Variants in TBCE observed in about 807,000 individuals in gnomAD.
The protein encoded by TBCE is tubulin-specific chaperone E.
In TBCE, 53 loss-of-function variants were observed where a neutral mutation model predicts 77.0. The observed-to-expected ratio is 0.69, with a 90% CI of 0.55 to 0.87. The LOEUF (loss-of-function observed/expected upper bound fraction) is 0.87. TBCE is among the 40% of genes least tolerant of loss of function. TBCE has a pLI of 0.00. For missense variants in TBCE, 624 were observed against 622.4 expected, an observed-to-expected ratio of 1.00 and a Z score of -0.03; for synonymous variants, 235 against 241.3, an observed-to-expected ratio of 0.97 and a Z score of 0.24.
chr1:235,426,913 C>T (rs944794308), intron 5 of TBCE, among the ~76,000 whole-genome samples: 3 of 152,116 alleles, frequency 2.0e-5, no homozygotes, highest in Non-Finnish European at 4.4e-5. Flanking sequence ...CCCAAAGTGC[C>T]GGGATTACAG....
rs144643746 is a variant in TBCE at position 235,379,275 on chromosome 1, C to T, written c.-31-744C>T. Among the ~76,000 whole-genome samples, 92 of 152,090 alleles carry T rather than the reference C, an allele frequency of 6.0e-4. 2 individuals are homozygous for T. In the East Asian group the frequency reaches 0.018, roughly 29 times the overall value. ...GGGCGCAGTGGCTCATGCCTGTAAT[C>T]CCAGCACTTTGGGAGGCAGAGGAGG... On this transcript the variant is annotated intron_variant, in intron 1 of 16. Transcript: ENST00000642610.
At position 235,390,754 on chromosome 1, in the gene TBCE, G is replaced by A. The variant is rs990209168; in HGVS notation, c.100+10605G>A. On this transcript the variant is annotated intron_variant, in intron 2 of 16. Coordinates refer to ENST00000642610, the MANE Select transcript of TBCE (RefSeq NM_003193.5). ...CCAGCCTGGGTGACAAGAGCGAAAC[G>A]TCTCAAAAAAAAAAAAAAAAAAAAG... is the stretch of plus-strand genomic sequence containing the variant. 4.5e-3 allele frequency among the ~76,000 whole-genome samples: 556 copies of A among 123,828 alleles called. 4 individuals are homozygous for A. Among genetic ancestry groups the A allele is most frequent in the African/African-American group, 0.018 (522 of 28,254 alleles). 81.2% of individuals were successfully genotyped at this position (123,828 alleles called of 152,430 possible). A position where few individuals can be genotyped will look rare whatever the true frequency, so the allele number is the denominator to read the frequency against.
chr1:235,437,221 A>G, intron 11 of TBCE, 101 bp from the exon 12 acceptor site: 1 of 1,427,324 alleles, frequency 7.0e-7, no homozygotes. Context: ...TCCCTGCCTC[A>G]GATTAGAACT....
rs534783856 is a variant in TBCE at position 235,374,994 on chromosome 1, C to T, written c.-31-5025C>T. On this transcript the variant is annotated intron_variant, in intron 1 of 16. Coordinates refer to ENST00000642610, the MANE Select transcript of TBCE (RefSeq NM_003193.5). Reference sequence around the variant, plus strand: ...GGAGTGCAGTGGTGCGATCTCGGCTCACTGCAAGCTCCGCCTCCTGGGTTC... The same window carrying T: ...GGAGTGCAGTGGTGCGATCTCGGCTTACTGCAAGCTCCGCCTCCTGGGTTC... Among the ~76,000 whole-genome samples the T allele has an allele frequency of 4.5e-3, 603 of 134,306 alleles. 16 individuals carry two copies. The highest frequency in any genetic ancestry group is 7.5e-3 in the Non-Finnish European group (479 of 64,048). 88.1% of individuals were successfully genotyped at this position (134,306 alleles called of 152,430 possible). A position where few individuals can be genotyped will look rare whatever the true frequency, so the allele number is the denominator to read the frequency against.
intron 3 of TBCE, among the ~76,000 whole-genome samples, chr1:235,402,721 C>T (rs1416320106): frequency 6.6e-6 from 1 of 151,970 alleles, no homozygotes; most frequent in African/African-American, 2.4e-5. Context: ...AACTCCTGGG[C>T]TCAAGTGATC....
intron 3 of TBCE, 63 bp from the exon 4 acceptor site, chr1:235,414,370 T>C: frequency 1.3e-6 from 2 of 1,558,686 alleles, no homozygotes; most frequent in South Asian, 1.1e-5. Flanking sequence ...CTTCAGAAAA[T>C]TGTATTTATG....
chr1:235,436,563 C>A lies in TBCE; in HGVS notation c.918C>A (p.Phe306Leu). 6.2e-7 allele frequency: 1 copy of A among 1,613,962 alleles called. No homozygotes were observed. Among genetic ancestry groups the A allele is most frequent in the South Asian group, 1.1e-5 (1 of 91,084 alleles). Residue 306 changes from phenylalanine to leucine, a missense_variant, in exon 11 of 17, where the codon TTC (phenylalanine) becomes TTA (leucine). Physicochemically the swap from Phe to Leu is conservative, Grantham distance 22. Coordinates refer to ENST00000642610, the MANE Select transcript of TBCE (RefSeq NM_003193.5). ...TTATAGGGTGCAAAACGTCCATGTT[C>A]CCATCCTTGAAGTACCTGGTAGTAA... ...DAGIGCKTSM[F>L]PSLKYLVVND...
chr1:235,395,680 G>A (rs544753208), intron 2 of TBCE, among the ~76,000 whole-genome samples: 1 of 151,928 alleles, frequency 6.6e-6, no homozygotes, highest in South Asian at 2.1e-4. Context: ...AAGTAGCTGG[G>A]ATTACAGGTG....
At chr1:235,376,063 C>T (rs1416110938) in intron 1 of TBCE, among the ~76,000 whole-genome samples, 1 of 151,822 alleles carries the variant, frequency 6.6e-6, no homozygotes, top group African/African-American at 2.4e-5. Flanking sequence ...CAAACAAAAA[C>T]ACCTGACTTG....
chr1:235,380,308 C>A (rs887117236), intron 2 of TBCE, among the ~76,000 whole-genome samples, 159 bp downstream of exon 2: 1 of 151,786 alleles, frequency 6.6e-6, no homozygotes, highest in Non-Finnish European at 1.5e-5. Flanking sequence ...CCTCCTGTAT[C>A]CAGTTTTATC....
At chr1:235,395,342 CTGTT>C (rs1037318792) in intron 2 of TBCE, among the ~76,000 whole-genome samples, 5 of 152,078 alleles carry the variant, frequency 3.3e-5, no homozygotes, top group Admixed American at 3.3e-4. Flanking sequence ...CATTTATTCT[CTGTT>C]TGTTACAAAC....
chr1:235,441,696 G>A (rs1681886931), intron 13 of TBCE, 118 bp from the exon 14 acceptor site: 3 of 891,624 alleles, frequency 3.4e-6, no homozygotes, highest in Middle Eastern at 2.1e-4. Flanking sequence ...AGCTCCATGT[G>A]TCCTGGGAAA....
chr1:235,389,109 C>T (rs1035326676), intron 2 of TBCE, among the ~76,000 whole-genome samples: 1 of 152,176 alleles, frequency 6.6e-6, no homozygotes, highest in Non-Finnish European at 1.5e-5. Context: ...AGTCCCAATT[C>T]TTGAAGACAG....
chr1:235,435,755 G>A lies in TBCE; in HGVS notation c.748G>A (p.Val250Ile), dbSNP rs368360310. 1.2e-6 allele frequency: 2 copies of A among 1,613,992 alleles called. No individual in the cohort carries two copies. Among genetic ancestry groups the A allele is most frequent in the Non-Finnish European group, 8.5e-7 (1 of 1,179,904 alleles). ...TTATTTTCCATACAGGCCAACAGAT[G>A]TTCTCCAGACAGTCAAGTTATTAGA... Reference protein sequence around the residue: ...NIFISERPTDVLQTVKLLDLS... With the variant: ...NIFISERPTDILQTVKLLDLS... The change falls in exon 9 of 17, where the codon GTT becomes ATT. Residue 250 changes from valine to isoleucine, a missense_variant. By Grantham distance (29) the Val-to-Ile change is conservative (BLOSUM62 3). Transcript: ENST00000642610.
intron 3 of TBCE, among the ~76,000 whole-genome samples, chr1:235,412,092 GT>G (rs1679811042): frequency 2.1e-5 from 1 of 47,718 alleles, no homozygotes; most frequent in Non-Finnish European, 3.8e-5. Context: ...CACTCTCCAA[GT>G]TTCCCTTCCC....
chr1:235,442,883 T>A lies in TBCE; in HGVS notation c.1371T>A (p.Asp457Glu). 6.2e-7 allele frequency: 1 copy of A among 1,614,106 alleles called. No homozygotes were observed. The highest frequency in any genetic ancestry group is 8.5e-7 in the Non-Finnish European group (1 of 1,180,008). The change falls in exon 15 of 17, where the codon GAT becomes GAA. Residue 457 changes from aspartate (D) to glutamate (E), a missense_variant. Physicochemically the swap from Asp to Glu is conservative, Grantham distance 45 (BLOSUM62 2). Transcript: ENST00000642610. ...TLKIKYPHQL[D>E]QKVLEKQLPG... ...AGATAAAATACCCTCATCAACTTGA[T>A]CAGAAAGTCCTGGAGAAACAACTGC...
chr1:235,447,657 G>A (rs150091674), intron 15 of TBCE, among the ~76,000 whole-genome samples: 1 of 152,106 alleles, frequency 6.6e-6, no homozygotes, highest in South Asian at 2.1e-4. Flanking sequence ...TCCAGTGTTC[G>A]TTCAGTAATT....
intron 4 of TBCE, chr1:235,416,179 AAAAAAAAG>A (rs1397275089): frequency 6.7e-6 from 1 of 148,456 alleles, no homozygotes; most frequent in Non-Finnish European, 1.5e-5. Flanking sequence ...AAAAAAAAAA[AAAAAAAAG>A]AAAAAAAAGA....
chr1:235,423,923 A>C (rs1397211035), intron 5 of TBCE: 1 of 152,284 alleles, frequency 6.6e-6, no homozygotes, highest in African/African-American at 2.4e-5. Flanking sequence ...CTTTCTTCGC[A>C]TCTTCTCTGC....
Sources: gnomAD v4.1 joint callset for allele counts (sites outside exome capture counted in the v4.1 genomes callset) on GRCh38, gnomAD v4.1.1 for gene constraint, MANE v1.5 for transcripts, NCBI Gene and HGNC (gene_info 2026-07-23, HGNC 2026-07-21) for gene names.